ASAP2: variants seen among roughly 807,000 people sequenced by gnomAD.
The protein encoded by ASAP2 is ArfGAP with SH3 domain, ankyrin repeat and PH domain 2.
ASAP2 carries 45 observed loss-of-function variants against 131.4 expected under a neutral mutation model. The observed-to-expected ratio is 0.34, with a 90% CI of 0.27 to 0.44. ASAP2 has a LOEUF of 0.44. Among genes scored for constraint, ASAP2 ranks in the 20% least tolerant of loss-of-function variants. ASAP2 has a pLI of 1.00. For synonymous variants in ASAP2, 510 were observed against 503.0 expected (o/e 1.01, Z -0.19); for missense variants, 1,011 against 1,297.0 (o/e 0.78, Z 3.39).
At position 9,404,259 on chromosome 2, in the gene ASAP2, A is replaced by T. The variant is rs1676997882; in HGVS notation, c.*932A>T. On this transcript the variant is annotated 3_prime_UTR_variant, in exon 28 of 28. Transcript: ENST00000281419. ...TTCTAGCCCAGGAGAATGTTTACTC[A>T]GTTTAGTGTCTTGTATTTCTATAAT... 2.0e-5 allele frequency: 3 copies of T among 152,204 alleles called. No individual in the cohort carries two copies. In the South Asian group the frequency reaches 6.2e-4, roughly 31 times the overall value. The allele number at this position is 152,204 out of a possible 1,614,324, so 9.4% of individuals were successfully genotyped here.
chr2:9,399,672 C>A, intron 24 of ASAP2: 1 of 331,770 alleles, frequency 3.0e-6, no homozygotes, highest in Non-Finnish European at 5.6e-6. Flanking sequence ...AGGTTCAGCC[C>A]TGCCCTTTCA....
intron 12 of ASAP2, among the ~76,000 whole-genome samples, chr2:9,354,021 G>T (rs925326785): frequency 1.3e-5 from 2 of 152,208 alleles, no homozygotes; most frequent in Non-Finnish European, 2.9e-5. Context: ...TTTCTAGGAG[G>T]ATGGTTCTGT....
chr2:9,374,716 G>C, intron 16 of ASAP2, 39 bp from the exon 17 acceptor site: 1 of 1,549,220 alleles, frequency 6.5e-7, no homozygotes, highest in East Asian at 2.3e-5. Flanking sequence ...GCGGGTAGAA[G>C]CCCTTCATGA....
intron 1 of ASAP2, among the ~76,000 whole-genome samples, chr2:9,238,872 T>A (rs1378143020): frequency 6.6e-6 from 1 of 152,358 alleles, no homozygotes; most frequent in South Asian, 2.1e-4. Flanking sequence ...CTGGCATTTC[T>A]ACATAGATGA....
intron 1 of ASAP2, among the ~76,000 whole-genome samples, chr2:9,255,303 G>T (rs1014056623): frequency 6.6e-6 from 1 of 152,174 alleles, no homozygotes; most frequent in African/African-American, 2.4e-5. Context: ...CTTACCTGAA[G>T]GGCTGTTCAG....
intron 11 of ASAP2, 185 bp from the exon 12 acceptor site, chr2:9,350,623 G>C (rs1672265039): frequency 2.0e-6 from 1 of 506,284 alleles, no homozygotes; most frequent in Admixed American, 3.3e-5. Flanking sequence ...GCCCTCTGTG[G>C]AGATGAAGTT....
At position 9,229,043 on chromosome 2, in the gene ASAP2, G is replaced by A. The variant is rs959718100; in HGVS notation, c.126+21813G>A. Among the ~76,000 whole-genome samples the A allele has an allele frequency of 2.6e-5, 4 of 152,118 alleles. No homozygotes were observed. The East Asian group carries it at 7.7e-4, about 29-fold the overall frequency. ...TGCCTTGTTACCACGTAGGGATCTG[G>A]CAGTTGAAGGCTAGGGGCGGAAAGT... is the stretch of plus-strand genomic sequence containing the variant. On this transcript the variant is annotated intron_variant, in intron 1 of 27. Coordinates refer to ENST00000281419, the MANE Select transcript of ASAP2 (RefSeq NM_003887.3).
At chr2:9,279,763 TC>T (rs1667006329) in intron 2 of ASAP2, among the ~76,000 whole-genome samples, 1 of 149,634 alleles carries the variant, frequency 6.7e-6, no homozygotes, top group Non-Finnish European at 1.5e-5. Flanking sequence ...CAGTGCCCTT[TC>T]CGTTTCTCTT....
chr2:9,320,998 C>T, intron 5 of ASAP2, among the ~76,000 whole-genome samples: 1 of 152,108 alleles, frequency 6.6e-6, no homozygotes. Flanking sequence ...AGTCGAGCTA[C>T]AGGGAATTGA....
At chr2:9,365,822 C>T (rs966193447) in intron 15 of ASAP2, among the ~76,000 whole-genome samples, 2 of 152,188 alleles carry the variant, frequency 1.3e-5, no homozygotes, top group African/African-American at 4.8e-5. Flanking sequence ...AGGAGGGTGC[C>T]TCATGCCTCA....
At chr2:9,316,085 G>A (rs967027607) in intron 3 of ASAP2, among the ~76,000 whole-genome samples, 1 of 152,014 alleles carries the variant, frequency 6.6e-6, no homozygotes, top group Admixed American at 6.5e-5. Flanking sequence ...TTGAGAGGCC[G>A]AGGAGGGCAG....
At chr2:9,301,408 T>C (rs1668463357) in intron 3 of ASAP2, among the ~76,000 whole-genome samples, 1 of 152,162 alleles carries the variant, frequency 6.6e-6, no homozygotes, top group Non-Finnish European at 1.5e-5. Context: ...GCTCCAGAAA[T>C]GTGACATGTG....
At chr2:9,317,150 CCA>C (rs1479347046) in intron 3 of ASAP2, among the ~76,000 whole-genome samples, 1 of 89,800 alleles carries the variant, frequency 1.1e-5, no homozygotes, top group East Asian at 2.3e-4. Context: ...CCAATCACAC[CCA>C]CTCACATCCA....
intron 21 of ASAP2, among the ~76,000 whole-genome samples, chr2:9,387,777 A>G (rs1379520934): frequency 6.6e-6 from 1 of 152,228 alleles, no homozygotes; most frequent in Admixed American, 6.5e-5. Flanking sequence ...TGCTGTAAAG[A>G]AATACCTGAG....
At chr2:9,379,506 T>C (rs955186204) in intron 19 of ASAP2, among the ~76,000 whole-genome samples, 1 of 152,152 alleles carries the variant, frequency 6.6e-6, no homozygotes, top group African/African-American at 2.4e-5. Context: ...GCTTCCTCCA[T>C]GAAGGGCCCT....
chr2:9,211,777 G>T (rs570578847), intron 1 of ASAP2, among the ~76,000 whole-genome samples: 1 of 152,188 alleles, frequency 6.6e-6, no homozygotes, highest in Non-Finnish European at 1.5e-5. Flanking sequence ...CCAGGGCTAC[G>T]TGCTTTTTGG....
intron 2 of ASAP2, among the ~76,000 whole-genome samples, chr2:9,287,010 G>C (rs1358442564): frequency 6.6e-6 from 1 of 152,250 alleles, no homozygotes; most frequent in Non-Finnish European, 1.5e-5. Flanking sequence ...ACAGCCTTGT[G>C]AGTTGGGTCC....
chr2:9,285,673 A>G (rs1667414893), intron 2 of ASAP2, among the ~76,000 whole-genome samples: 1 of 152,246 alleles, frequency 6.6e-6, no homozygotes, highest in African/African-American at 2.4e-5. Context: ...TGAAGCTAAC[A>G]TTTTTAGCTG....
chr2:9,244,512 G>A (rs767696499), intron 1 of ASAP2, among the ~76,000 whole-genome samples: 1 of 152,216 alleles, frequency 6.6e-6, no homozygotes, highest in African/African-American at 2.4e-5. Context: ...GAACACATGC[G>A]TAGCTCCTAG....
Sources: allele counts gnomAD v4.1 joint callset (sites outside exome capture counted in the v4.1 genomes callset), GRCh38; gene constraint gnomAD v4.1.1; transcripts MANE v1.5; gene names NCBI Gene and HGNC (gene_info 2026-07-23, HGNC 2026-07-21).